Variants in NLRP8 observed in about 807,000 individuals in gnomAD.
NLRP8 encodes the protein NACHT, LRR and PYD domains-containing protein 8.
NLRP8 carries 86 observed loss-of-function variants against 88.7 expected under a neutral mutation model. That is an observed-to-expected ratio of 0.97 (90% CI 0.81 to 1.16). The LOEUF is 1.16. Among genes scored for constraint, NLRP8 ranks in the 50% most tolerant of loss-of-function variants. The probability of loss-of-function intolerance (pLI) is 0.00; values close to 1 mark genes in which losing one functional copy is unlikely to be tolerated. For synonymous variants in NLRP8, 504 were observed against 494.6 expected, an observed-to-expected ratio of 1.02 and a Z score of -0.25; for missense variants, 1,342 against 1,286.5, an observed-to-expected ratio of 1.04 and a Z score of -0.66.
chr19:55,950,277 G>A (rs1979032756), intron 1 of NLRP8, among the ~76,000 whole-genome samples: 1 of 149,974 alleles, frequency 6.7e-6, no homozygotes, highest in Admixed American at 6.6e-5. Context: ...AAAATAGCCG[G>A]GCGTGGTGAC....
rs71740482 is a variant in NLRP8, at chr19:55,952,750, ACT to A, written c.442+141_442+142del. ...CTACAATCAGAACCAACATGGCGAA[ACT>A]CTGTCTCTACTAAAAACACAGAAAC... is the stretch of plus-strand genomic sequence containing the variant. On this transcript the variant is annotated intron_variant, in intron 2 of 9. Coordinates refer to ENST00000291971, the MANE Select transcript of NLRP8 (RefSeq NM_176811.2). 2,174 of 648,858 alleles carry A rather than the reference ACT, an allele frequency of 3.4e-3. 34 individuals carry two copies. The highest frequency in any genetic ancestry group is 0.018 in the South Asian group (965 of 52,246). The allele number at this position is 648,858 out of a possible 1,614,324, so 40.2% of individuals were successfully genotyped here. A position where few individuals can be genotyped will look rare whatever the true frequency, so the allele number is the denominator to read the frequency against.
rs1600306429 is a variant in NLRP8, at chr19:55,966,235, A to C, written c.2236A>C (p.Met746Leu). ...CAGCCTAAGGCGTGTGAATAGCACC[A>C]TGTTGAACCAGGACTTAATCGGTGT... Residue 746 changes from methionine (M) to leucine (L), a missense_variant, in exon 5 of 10, where the codon ATG (methionine) becomes CTG (leucine). Met to Leu is a conservative substitution (Grantham distance 15). Transcript: ENST00000291971. The C allele has an allele frequency of 6.2e-7, 1 of 1,614,112 alleles. No individual in the cohort carries two copies. Among genetic ancestry groups the C allele is most frequent in the Non-Finnish European group, 8.5e-7 (1 of 1,179,994 alleles).
Position 55,966,196 on chromosome 19 carries a change from C to A in NLRP8, c.2214-17C>A. On this transcript the variant is annotated splice_polypyrimidine_tract_variant and intron_variant, in intron 4 of 9. Transcript: ENST00000291971. ...TGGACGGGACCCTATTCCAAGGAGA[C>A]GCTCTTCCCTCTCCAGCCTAAGGCG... The A allele has an allele frequency of 1.9e-6, 3 of 1,611,488 alleles. No homozygotes were observed. Among genetic ancestry groups the A allele is most frequent in the Non-Finnish European group, 2.5e-6 (3 of 1,178,082 alleles).
chr19:55,974,515 G>A (rs143302685), intron 7 of NLRP8, among the ~76,000 whole-genome samples: 2,961 of 152,074 alleles, frequency 0.019, 85 homozygotes, highest in East Asian at 0.053. Flanking sequence ...TTGGGAGTCC[G>A]AGGCGGGAGG....
intron 9 of NLRP8, among the ~76,000 whole-genome samples, chr19:55,980,650 C>T (rs1047648042): frequency 5.9e-5 from 9 of 152,080 alleles, no homozygotes; most frequent in Non-Finnish European, 1.2e-4. Flanking sequence ...TCCTCCAGAA[C>T]GAGAGGCTGA....
chr19:55,986,834 C>T (rs895379425), intron 9 of NLRP8, among the ~76,000 whole-genome samples: 7 of 152,078 alleles, frequency 4.6e-5, no homozygotes, highest in Non-Finnish European at 1.0e-4. Flanking sequence ...GAGTATTCCT[C>T]CTGTCTTGCT....
Position 55,957,451 on chromosome 19 carries a change from C to T in NLRP8, c.2042+1351C>T, listed in dbSNP as rs549668064. ...CTGTAATCCCAGCACTTTGGGAGGC[C>T]GAGGCAGGTGGATCACTTGAGGCCA... On this transcript the variant is annotated intron_variant, in intron 3 of 9. Coordinates refer to ENST00000291971, the MANE Select transcript of NLRP8 (RefSeq NM_176811.2). 4.6e-5 allele frequency among the ~76,000 whole-genome samples: 7 copies of T among 151,450 alleles called. No individual in the cohort carries two copies. The South Asian group carries it at 6.3e-4, about 14-fold the overall frequency.
Position 55,952,540 on chromosome 19 carries a change from ATTCTGCCTACCTTGGAACCAGAGGACT to A in NLRP8, c.372_398del (p.Ile124_Leu133delinsMet). On this transcript the variant is annotated inframe_deletion, in exon 2 of 10. Coordinates refer to ENST00000291971, the MANE Select transcript of NLRP8 (RefSeq NM_176811.2). ...CAGCCTCCTTTTTTCTGTTACAGCC[ATTCTGCCTACCTTGGAACCAGAGGACT>A]TGAATGTGGGAGAAACACAGGTGAA... is the stretch of plus-strand genomic sequence containing the variant. The A allele has an allele frequency of 6.2e-7, 1 of 1,613,688 alleles. No homozygotes were observed. Among genetic ancestry groups the A allele is most frequent in the South Asian group, 1.1e-5 (1 of 91,062 alleles).
chr19:55,961,048 G>T (rs937639358), intron 3 of NLRP8, among the ~76,000 whole-genome samples: 1 of 151,790 alleles, frequency 6.6e-6, no homozygotes, highest in African/African-American at 2.4e-5. Flanking sequence ...GATTACAGGT[G>T]CCCACCACCA....
rs796219930 is a variant in NLRP8, at chr19:55,952,437, T to C, written c.368-101T>C. ...GTGAGAGGATGAGACTCTGAAGCCA[T>C]GTGGCTGCTTCTGTCCTAAAAAGGC... On this transcript the variant is annotated intron_variant, in intron 1 of 9. Transcript: ENST00000291971. The C allele has an allele frequency of 3.2e-5, 27 of 856,178 alleles. 1 individual carries two copies. Among genetic ancestry groups the C allele is most frequent in the African/African-American group, 3.0e-4 (18 of 60,148 alleles). 53.0% of individuals were successfully genotyped at this position (856,178 alleles called of 1,614,324 possible). A position where few individuals can be genotyped will look rare whatever the true frequency, so the allele number is the denominator to read the frequency against.
intron 8 of NLRP8, among the ~76,000 whole-genome samples, chr19:55,978,141 T>G (rs886269901): frequency 2.6e-5 from 4 of 152,218 alleles, no homozygotes; most frequent in African/African-American, 9.6e-5. Flanking sequence ...GACAGTTATC[T>G]GCTTTGGGTC....
intron 9 of NLRP8, among the ~76,000 whole-genome samples, chr19:55,983,236 G>A (rs938325282): frequency 6.6e-5 from 10 of 152,106 alleles, no homozygotes; most frequent in Non-Finnish European, 1.3e-4. Context: ...AGCTGAGGCA[G>A]GTGGATCATC....
chr19:55,961,831 C>A (rs1436975843), intron 3 of NLRP8, among the ~76,000 whole-genome samples: 1 of 152,100 alleles, frequency 6.6e-6, no homozygotes. Flanking sequence ...AAGCAACTTC[C>A]TTTTTTCCAA....
intron 5 of NLRP8, among the ~76,000 whole-genome samples, chr19:55,966,850 G>A (rs1467654039): frequency 6.6e-6 from 1 of 152,078 alleles, no homozygotes; most frequent in Non-Finnish European, 1.5e-5. Flanking sequence ...ATTTGACCAT[G>A]CTCTAGATCC....
chr19:55,958,280 C>T (rs543334337), intron 3 of NLRP8, among the ~76,000 whole-genome samples: 1 of 152,332 alleles, frequency 6.6e-6, no homozygotes, highest in South Asian at 2.1e-4. Context: ...CTGCATAAGT[C>T]TTCAGCATAT....
At chr19:55,952,783 G>T (rs775997642) in intron 2 of NLRP8, among the ~76,000 whole-genome samples, 171 bp downstream of exon 2, 1 of 152,100 alleles carries the variant, frequency 6.6e-6, no homozygotes, top group South Asian at 2.1e-4. Flanking sequence ...GAAACTAGCC[G>T]GGCGTGGTGG....
In NLRP8 at chr19:55,973,715, TA is replaced by T; in HGVS notation, c.2600del (p.Lys867ArgfsTer3). Reference sequence around the variant, plus strand: ...GCCTTGCCTCCTGTCTCAGGCAGAGTAAGATGCTGACCCACCTGAGCTTGGC... The same window carrying T: ...GCCTTGCCTCCTGTCTCAGGCAGAGTAGATGCTGACCCACCTGAGCTTGGC... On this transcript the variant is annotated frameshift_variant, in exon 7 of 10. Coordinates refer to ENST00000291971, the MANE Select transcript of NLRP8 (RefSeq NM_176811.2). LOFTEE classifies it high-confidence loss of function. The T allele has an allele frequency of 6.2e-7, 1 of 1,613,830 alleles. No homozygotes were observed. Among genetic ancestry groups the T allele is most frequent in the South Asian group, 1.1e-5 (1 of 91,010 alleles).
rs1382265171 is a variant in NLRP8, at chr19:55,988,529, TTCA to T, written c.*619_*621del. The T allele has an allele frequency of 1.3e-5, 2 of 149,392 alleles. No individual in the cohort carries two copies. The highest frequency in any genetic ancestry group is 4.9e-5 in the African/African-American group (2 of 40,546). The allele number at this position is 149,392 out of a possible 1,614,324, so 9.3% of individuals were successfully genotyped here. A position where few individuals can be genotyped will look rare whatever the true frequency, so the allele number is the denominator to read the frequency against. Reference sequence around the variant, plus strand: ...CCTAAGACAGGATATAGACAAAGTCTTCATCGTCTTCTTGCTTCTTCTACCTTT... The same window carrying T: ...CCTAAGACAGGATATAGACAAAGTCTTCGTCTTCTTGCTTCTTCTACCTTT... On this transcript the variant is annotated 3_prime_UTR_variant, in exon 10 of 10. Transcript: ENST00000291971.
chr19:55,965,410 C>G (rs1333389021), intron 4 of NLRP8, among the ~76,000 whole-genome samples: 1 of 151,516 alleles, frequency 6.6e-6, no homozygotes, highest in Non-Finnish European at 1.5e-5. Context: ...GAGATCGCAC[C>G]ACTGCACTCC....
Sources: gnomAD v4.1 joint callset for allele counts (sites outside exome capture counted in the v4.1 genomes callset) on GRCh38, gnomAD v4.1.1 for gene constraint, MANE v1.5 for transcripts, NCBI Gene and HGNC (gene_info 2026-07-23, HGNC 2026-07-21) for gene names.